Variants in PDE4D observed in about 807,000 individuals in gnomAD.
PDE4D encodes phosphodiesterase 4D, also known as 3',5'-cyclic-AMP phosphodiesterase 4D.
In PDE4D, 24 loss-of-function variants were observed where a neutral mutation model predicts 87.4. The observed-to-expected ratio is 0.27, with a 90% CI of 0.20 to 0.39. The LOEUF (loss-of-function observed/expected upper bound fraction) is 0.39, where lower values mean the gene tolerates loss of function less well. Among genes scored for constraint, PDE4D ranks in the 10% least tolerant of loss-of-function variants. The pLI is 1.00. For synonymous variants in PDE4D, 384 were observed against 383.2 expected (o/e 1.00, Z -0.02); for missense variants, 714 against 1,041.0 (o/e 0.69, Z 4.32).
intron 1 of PDE4D, among the ~76,000 whole-genome samples, chr5:59,683,413 C>T (rs1749350740): frequency 1.3e-5 from 2 of 152,152 alleles, no homozygotes; most frequent in Admixed American, 1.3e-4. Context: ...AATATATTAA[C>T]TTTATGGCTT....
chr5:60,387,480 G>C (rs1762268091), intron 1 of PDE4D, among the ~76,000 whole-genome samples: 4 of 152,018 alleles, frequency 2.6e-5, no homozygotes, highest in Admixed American at 2.0e-4. Context: ...ATTTCTCCTA[G>C]TTCCCCTACA....
chr5:59,561,297 T>A (rs1819937242), intron 1 of PDE4D, among the ~76,000 whole-genome samples: 1 of 152,164 alleles, frequency 6.6e-6, no homozygotes, highest in Non-Finnish European at 1.5e-5. Flanking sequence ...GGAGTATTAT[T>A]TTGCCTACCA....
At chr5:59,501,346 A>G (rs1464396852) in intron 1 of PDE4D, among the ~76,000 whole-genome samples, 1 of 152,208 alleles carries the variant, frequency 6.6e-6, no homozygotes, top group East Asian at 1.9e-4. Flanking sequence ...TTCAACAAAT[A>G]TTAAGCATGA....
At chr5:59,586,301 C>G in intron 1 of PDE4D, 1 of 1,528,376 alleles carries the variant, frequency 6.5e-7, no homozygotes, top group Admixed American at 1.7e-5. Flanking sequence ...CTGAGTTTTA[C>G]AAACTGAAGG....
chr5:60,080,239 G>T (rs1158989679), intron 2 of PDE4D, among the ~76,000 whole-genome samples: 3 of 152,190 alleles, frequency 2.0e-5, no homozygotes, highest in Non-Finnish European at 4.4e-5. Flanking sequence ...TCTGTATCTT[G>T]AGACTTTGCT....
intron 1 of PDE4D, among the ~76,000 whole-genome samples, chr5:59,388,692 CATA>C (rs140196440): frequency 0.25 from 37,400 of 151,274 alleles, 4,938 homozygotes; most frequent in East Asian, 0.39. Flanking sequence ...GAAGGAAATC[CATA>C]ATAACATCTT....
chr5:59,026,726 A>T (rs1020108895), intron 6 of PDE4D, among the ~76,000 whole-genome samples: 6 of 151,136 alleles, frequency 4.0e-5, no homozygotes, highest in East Asian at 1.9e-4. Context: ...AGATGGGATT[A>T]AAAAAAAAGG....
intron 1 of PDE4D, among the ~76,000 whole-genome samples, chr5:60,517,400 C>G (rs1341806701): frequency 6.6e-6 from 1 of 152,222 alleles, no homozygotes; most frequent in Non-Finnish European, 1.5e-5. Context: ...TGGCCTGAAG[C>G]CTGGGGGCCA....
At chr5:59,273,272 T>G (rs1056560395) in intron 1 of PDE4D, among the ~76,000 whole-genome samples, 1 of 152,054 alleles carries the variant, frequency 6.6e-6, no homozygotes, top group Non-Finnish European at 1.5e-5. Context: ...GTGGCCTTTA[T>G]GTGCAGAGGC....
intron 11 of PDE4D, among the ~76,000 whole-genome samples, chr5:58,979,113 C>A (rs1291953361): frequency 2.0e-5 from 3 of 152,020 alleles, no homozygotes; most frequent in East Asian, 3.9e-4. Flanking sequence ...GGCTGTTGAC[C>A]CTGCAAAAGA....
intron 3 of PDE4D, among the ~76,000 whole-genome samples, chr5:59,945,578 C>G (rs1410741195): frequency 6.6e-6 from 1 of 152,186 alleles, no homozygotes; most frequent in Admixed American, 6.5e-5. Flanking sequence ...ATGGCAACAT[C>G]ATCTTCCTGT....
At chr5:59,180,066 C>T (rs1741116179) in intron 5 of PDE4D, among the ~76,000 whole-genome samples, 1 of 152,094 alleles carries the variant, frequency 6.6e-6, no homozygotes, top group East Asian at 1.9e-4. Flanking sequence ...TCTCATTGAA[C>T]TTTTTCTGCA....
chr5:59,450,826 C>A (rs573049669), intron 1 of PDE4D, among the ~76,000 whole-genome samples: 3 of 152,306 alleles, frequency 2.0e-5, no homozygotes, highest in African/African-American at 7.2e-5. Flanking sequence ...TGCTTTGGTT[C>A]TTTGTCCTTC....
chr5:60,042,023 C>T (rs943407674), intron 2 of PDE4D, among the ~76,000 whole-genome samples: 2 of 152,046 alleles, frequency 1.3e-5, no homozygotes, highest in Non-Finnish European at 2.9e-5. Context: ...GCGGATCCCA[C>T]CCCTGTGGAG....
chr5:59,570,219 C>G (rs1234858487), intron 1 of PDE4D, among the ~76,000 whole-genome samples: 5 of 152,128 alleles, frequency 3.3e-5, no homozygotes, highest in African/African-American at 4.8e-5. Flanking sequence ...AGCTACACAG[C>G]TGGAAAATCA....
chr5:60,431,599 A>T (rs924324865), intron 1 of PDE4D, among the ~76,000 whole-genome samples: 2 of 146,718 alleles, frequency 1.4e-5, no homozygotes, highest in Non-Finnish European at 1.5e-5. Flanking sequence ...GTGGGCAGCC[A>T]GGCAGAGGGG....
chr5:59,969,158 T>C (rs926992030), intron 3 of PDE4D, among the ~76,000 whole-genome samples: 1 of 152,200 alleles, frequency 6.6e-6, no homozygotes, highest in Non-Finnish European at 1.5e-5. Flanking sequence ...GCAACTAATA[T>C]TCTAAAGCAT....
At chr5:60,354,123 T>G (rs1759420825) in intron 1 of PDE4D, among the ~76,000 whole-genome samples, 1 of 152,148 alleles carries the variant, frequency 6.6e-6, no homozygotes, top group African/African-American at 2.4e-5. Context: ...AATCAAACCT[T>G]GAAACTTAGT....
intron 1 of PDE4D, among the ~76,000 whole-genome samples, chr5:59,686,872 G>T (rs1394343475): frequency 1.3e-5 from 2 of 152,142 alleles, no homozygotes; most frequent in Non-Finnish European, 2.9e-5. Context: ...GGATGGAATT[G>T]TCAAATCTTC....
Sources: allele counts gnomAD v4.1 joint callset (sites outside exome capture counted in the v4.1 genomes callset), GRCh38; gene constraint gnomAD v4.1.1; transcripts MANE v1.5; gene names NCBI Gene and HGNC (gene_info 2026-07-23, HGNC 2026-07-21).